ERAP1: variants seen among roughly 807,000 people sequenced by gnomAD.
ERAP1 encodes the protein endoplasmic reticulum aminopeptidase 1, also known as adipocyte-derived leucine aminopeptidase.
A neutral mutation model predicts 103.7 loss-of-function variants in ERAP1; 86 were observed. That is an observed-to-expected ratio of 0.83 (90% confidence interval 0.70 to 0.99). ERAP1 has a LOEUF of 0.99. ERAP1 is among the 50% of genes least tolerant of loss of function. The pLI is 0.00. For missense variants in ERAP1, 1,009 were observed against 1,128.4 expected (o/e 0.89, Z 1.52); for synonymous variants, 398 against 402.4 (o/e 0.99, Z 0.13).
At chr5:96,911,614 C>T in the ERAP1 span, among the ~76,000 whole-genome samples, 3 of 151,958 alleles carry the variant, frequency 2.0e-5, no homozygotes, top group African/African-American at 7.3e-5. Context: ...GGCCAAGTGC[C>T]GTAGCTCATG....
chr5:96,909,636 G>A, the ERAP1 span: 1 of 1,614,186 alleles, frequency 6.2e-7, no homozygotes, highest in South Asian at 1.1e-5. Context: ...GGAGTGACAA[G>A]GGCTCAGTCT....
chr5:96,889,039 C>A, the ERAP1 span: 1 of 955,702 alleles, frequency 1.0e-6, no homozygotes, highest in African/African-American at 1.7e-5. Context: ...CACAGAACCT[C>A]TTATCCTTAT....
At chr5:96,871,682 A>G in the ERAP1 span, among the ~76,000 whole-genome samples, 1 of 152,196 alleles carries the variant, frequency 6.6e-6, no homozygotes, top group Non-Finnish European at 1.5e-5. Flanking sequence ...AAAAATTTTT[A>G]ATGCTGTAAA....
intron 4 of ERAP1, among the ~76,000 whole-genome samples, chr5:96,796,841 C>T (rs1777393432): frequency 6.6e-6 from 1 of 152,142 alleles, no homozygotes; most frequent in African/African-American, 2.4e-5. Flanking sequence ...CTCTGTTGCC[C>T]AGGCTGGAGT....
At chr5:96,908,220 A>G in the ERAP1 span, among the ~76,000 whole-genome samples, 2 of 152,196 alleles carry the variant, frequency 1.3e-5, no homozygotes, top group Non-Finnish European at 2.9e-5. Context: ...GGTGTTCACA[A>G]GAATGGCTTA....
the ERAP1 span, among the ~76,000 whole-genome samples, chr5:96,924,766 T>C: frequency 2.0e-5 from 3 of 151,956 alleles, no homozygotes; most frequent in Non-Finnish European, 2.9e-5. Flanking sequence ...CCAGGCTAAT[T>C]TTTGTATTTT....
chr5:96,785,752 C>G, intron 13 of ERAP1, 36 bp downstream of exon 13: 2 of 1,608,936 alleles, frequency 1.2e-6, no homozygotes, highest in African/African-American at 1.3e-5. Context: ...CAGCTGCTTT[C>G]AGAAATAAAC....
At chr5:96,896,840 G>T in the ERAP1 span, 1 of 1,142,802 alleles carries the variant, frequency 8.8e-7, no homozygotes, top group South Asian at 1.8e-5. Context: ...TAAGAATGAT[G>T]ACTTGTGGAG....
intron 1 of ERAP1, among the ~76,000 whole-genome samples, chr5:96,805,155 A>G (rs1468618695): frequency 6.6e-6 from 1 of 152,054 alleles, no homozygotes; most frequent in Non-Finnish European, 1.5e-5. Context: ...TGGATCCCTC[A>G]AAGTGTTCAC....
chr5:96,773,026 A>AGT (rs1254489473), downstream of ERAP1: 1 of 153,844 alleles, frequency 6.5e-6, no homozygotes, highest in East Asian at 1.9e-4. Flanking sequence ...TTTTTTTGTT[A>AGT]GTGTTTAGAA....
At chr5:96,922,362 T>A in the ERAP1 span, among the ~76,000 whole-genome samples, 1 of 152,170 alleles carries the variant, frequency 6.6e-6, no homozygotes. Flanking sequence ...TTCTATCTCG[T>A]CTCTAATATA....
chr5:96,902,354 G>C, the ERAP1 span: 1 of 1,599,638 alleles, frequency 6.3e-7, no homozygotes, highest in Non-Finnish European at 8.6e-7. Context: ...TCAAAGACAG[G>C]TAATGAACTA....
chr5:96,906,928 T>A, the ERAP1 span, among the ~76,000 whole-genome samples: 1 of 152,194 alleles, frequency 6.6e-6, no homozygotes, highest in South Asian at 2.1e-4. Flanking sequence ...CTTGGGAGGC[T>A]GAGGCAGGAG....
the ERAP1 span, chr5:96,883,661 T>G: frequency 3.4e-6 from 3 of 871,212 alleles, no homozygotes; most frequent in Non-Finnish European, 5.2e-6. Context: ...CAGTTGAGAT[T>G]CACAAAGATT....
At chr5:96,930,193 C>T in the ERAP1 span, among the ~76,000 whole-genome samples, 2 of 152,228 alleles carry the variant, frequency 1.3e-5, no homozygotes, top group African/African-American at 2.4e-5. Context: ...CAACCAACCA[C>T]CTGATATTGC....
chr5:96,790,172 A>G (rs143961863), intron 10 of ERAP1, 124 bp downstream of exon 10: 9 of 819,980 alleles, frequency 1.1e-5, no homozygotes, highest in Non-Finnish European at 1.9e-5. Flanking sequence ...GTTTAAATGC[A>G]GTCTTATCTG....
the ERAP1 span, among the ~76,000 whole-genome samples, chr5:96,833,918 A>C: frequency 2.0e-5 from 3 of 152,222 alleles, no homozygotes; most frequent in South Asian, 6.2e-4. Context: ...CTTTGTATTC[A>C]TTAAAAAAAT....
chr5:96,883,433 T>C, the ERAP1 span, among the ~76,000 whole-genome samples: 1 of 152,198 alleles, frequency 6.6e-6, no homozygotes, highest in African/African-American at 2.4e-5. Flanking sequence ...GAACATTTAA[T>C]TTCCTAGTGA....
At chr5:96,929,568 T>C in the ERAP1 span, among the ~76,000 whole-genome samples, 7 of 151,974 alleles carry the variant, frequency 4.6e-5, no homozygotes, top group Non-Finnish European at 1.0e-4. Flanking sequence ...TGTAGTGGCA[T>C]GATCTTGGCT....
Sources: gnomAD v4.1 joint callset for allele counts (sites outside exome capture counted in the v4.1 genomes callset) on GRCh38, gnomAD v4.1.1 for gene constraint, MANE v1.5 for transcripts, NCBI Gene and HGNC (gene_info 2026-07-23, HGNC 2026-07-21) for gene names.